EAPP: variants seen among roughly 807,000 people sequenced by gnomAD.
EAPP encodes E2F-associated phosphoprotein.
In EAPP, 38 loss-of-function variants were observed where a neutral mutation model predicts 34.3. The ratio of observed to expected loss-of-function variants is 1.11; its 90% CI spans 0.85 to 1.45. The LOEUF is 1.45. Ranked by LOEUF, EAPP falls within the 40% of genes most tolerant of loss-of-function variation. The pLI, the probability that EAPP is intolerant of heterozygous loss-of-function variation, is 0.00. For synonymous variants in EAPP, 113 were observed against 117.6 expected (o/e 0.96, Z 0.25); for missense variants, 338 against 343.7 (o/e 0.98, Z 0.13).
intron 4 of EAPP, among the ~76,000 whole-genome samples, chr14:34,526,067 A>T (rs899105221): frequency 6.6e-6 from 1 of 151,920 alleles, no homozygotes; most frequent in African/African-American, 2.4e-5. Flanking sequence ...ATATTAGTCC[A>T]TTAATTGTGA....
chr14:34,539,469 T>C (rs1880588018), intron 1 of EAPP, 86 bp downstream of exon 1: 2 of 1,424,932 alleles, frequency 1.4e-6, no homozygotes, highest in East Asian at 4.6e-5. Flanking sequence ...AGGGTCTGCG[T>C]AGGCTCGGCA....
chr14:34,521,336 G>T lies in EAPP; in HGVS notation c.581+3361C>A, dbSNP rs113664015. Among the ~76,000 whole-genome samples the T allele has an allele frequency of 5.9e-3, 893 of 152,190 alleles. 7 individuals are homozygous for T. Among genetic ancestry groups the T allele is most frequent in the African/African-American group, 0.02 (829 of 41,532 alleles). The stretch of plus-strand genomic sequence containing the variant: ...TCCACCCACCTCCGCCTCCCAGAGT[G>T]CTGGGATTACAAGTGTCAGCCACCA... On this transcript the variant is annotated intron_variant, in intron 5 of 5. Coordinates refer to ENST00000250454, the MANE Select transcript of EAPP (RefSeq NM_018453.4).
chr14:34,531,260 G>GT (rs1880279639), intron 3 of EAPP, among the ~76,000 whole-genome samples: 2 of 151,412 alleles, frequency 1.3e-5, no homozygotes, highest in East Asian at 3.9e-4. Flanking sequence ...AGCCAAGACT[G>GT]TGTCACCGCA....
chr14:34,532,540 G>A (rs886653722), intron 3 of EAPP, among the ~76,000 whole-genome samples: 3 of 152,070 alleles, frequency 2.0e-5, no homozygotes, highest in Non-Finnish European at 4.4e-5. Context: ...GCTACTATAG[G>A]AAACCTAAAG....
At chr14:34,537,341 T>C (rs1328366177) in intron 1 of EAPP, among the ~76,000 whole-genome samples, 3 of 152,228 alleles carry the variant, frequency 2.0e-5, no homozygotes, top group African/African-American at 7.2e-5. Flanking sequence ...AATGTGAATC[T>C]ACGAAAACTT....
intron 1 of EAPP, among the ~76,000 whole-genome samples, chr14:34,537,989 A>G (rs1366803791): frequency 6.6e-6 from 1 of 152,216 alleles, no homozygotes; most frequent in East Asian, 1.9e-4. Flanking sequence ...AACAGGCAAT[A>G]CTGTCTGATA....
Position 34,539,624 on chromosome 14 carries a change from T to C in EAPP, c.5A>G (p.Asn2Ser). 2 of 1,571,934 alleles carry C rather than the reference T, an allele frequency of 1.3e-6. No individual in the cohort carries two copies. Among genetic ancestry groups the C allele is most frequent in the South Asian group, 1.1e-5 (1 of 87,674 alleles). M[N>S]RLPDDYDPYA... ...GGGGTCGTAGTCATCCGGAAGCCGG[T>C]TCATGGTGGCCTGCAGCGGCCTACA... The change falls in exon 1 of 6, where the codon AAC becomes AGC. Residue 2 changes from asparagine to serine, a missense_variant. Asn to Ser is a conservative substitution (Grantham distance 46). Coordinates refer to ENST00000250454, the MANE Select transcript of EAPP (RefSeq NM_018453.4).
At chr14:34,530,031 T>A (rs58229588) in intron 3 of EAPP, among the ~76,000 whole-genome samples, 123,370 of 151,100 alleles carry the variant, frequency 0.82, 50,557 homozygotes, top group Non-Finnish European at 0.85. Flanking sequence ...AAAAAGAAAA[T>A]AATAAAATAA....
chr14:34,517,230 A>G (rs1395383021), intron 5 of EAPP, among the ~76,000 whole-genome samples: 6 of 138,176 alleles, frequency 4.3e-5, no homozygotes, highest in East Asian at 2.2e-4. Flanking sequence ...GAGCCACCGC[A>G]CCCAGACGAT....
chr14:34,529,542 A>T, intron 3 of EAPP, 67 bp from the exon 4 acceptor site: 1 of 1,138,870 alleles, frequency 8.8e-7, no homozygotes, highest in Non-Finnish European at 1.3e-6. Context: ...TTAAATGAAG[A>T]GTCTCATTTC....
intron 4 of EAPP, among the ~76,000 whole-genome samples, chr14:34,528,977 A>G (rs1880187290): frequency 6.6e-6 from 1 of 151,902 alleles, no homozygotes; most frequent in Non-Finnish European, 1.5e-5. Flanking sequence ...TCTACTAAAA[A>G]TACAAAAAAT....
At chr14:34,524,167 G>A (rs57604057) in intron 5 of EAPP, among the ~76,000 whole-genome samples, 168 of 152,174 alleles carry the variant, frequency 1.1e-3, no homozygotes, top group African/African-American at 3.8e-3. Context: ...CAACGCAAGT[G>A]GATCACAAGG....
intron 5 of EAPP, among the ~76,000 whole-genome samples, chr14:34,518,639 T>C (rs1431457645): frequency 1.3e-5 from 2 of 152,136 alleles, no homozygotes; most frequent in African/African-American, 4.8e-5. Flanking sequence ...CCCCTTTGGA[T>C]CTATTAATGT....
At chr14:34,524,931 C>A in intron 4 of EAPP, 124 bp from the exon 5 acceptor site, 1 of 689,788 alleles carries the variant, frequency 1.4e-6, no homozygotes, top group Non-Finnish European at 2.5e-6. Flanking sequence ...GAATAAGGAA[C>A]ACAAGATGAA....
chr14:34,524,653 A>ATGTGTGTGTG (rs111420332), intron 5 of EAPP, 44 bp downstream of exon 5: 202,554 of 837,124 alleles, frequency 0.24, 12,266 homozygotes, highest in Middle Eastern at 0.26. Flanking sequence ...TAAACAAAAT[A>ATGTGTGTGTG]TGTATGTGTG....
chr14:34,522,931 G>T (rs1049115804), intron 5 of EAPP, among the ~76,000 whole-genome samples: 6 of 152,140 alleles, frequency 3.9e-5, no homozygotes, highest in African/African-American at 1.4e-4. Flanking sequence ...AAAAGGTAAA[G>T]AAGCTGGTTG....
intron 5 of EAPP, among the ~76,000 whole-genome samples, chr14:34,519,286 G>A (rs777787919): frequency 2.0e-5 from 3 of 152,150 alleles, no homozygotes; most frequent in Non-Finnish European, 4.4e-5. Context: ...TGTAATCCCA[G>A]CACTTTGGGA....
intron 5 of EAPP, among the ~76,000 whole-genome samples, chr14:34,517,437 C>T (rs1008125757): frequency 2.6e-5 from 4 of 151,480 alleles, no homozygotes; most frequent in Non-Finnish European, 4.4e-5. Flanking sequence ...TTAGTAGAGA[C>T]AGGGTTTCAC....
At chr14:34,530,904 C>CAAAAAAAAAAAAAAA (rs780101001) in intron 3 of EAPP, among the ~76,000 whole-genome samples, 18 of 55,176 alleles carry the variant, frequency 3.3e-4, no homozygotes, top group African/African-American at 4.2e-4. Flanking sequence ...CAATCTTTAC[C>CAAAAAAAAAAAAAAA]AAAAAAAAAA....
Sources: allele counts gnomAD v4.1 joint callset (sites outside exome capture counted in the v4.1 genomes callset), GRCh38; gene constraint gnomAD v4.1.1; transcripts MANE v1.5; gene names NCBI Gene and HGNC (gene_info 2026-07-23, HGNC 2026-07-21).